The following VIT variants were observed in gnomAD, a reference collection of about 807,000 sequenced individuals.
VIT encodes the protein vitrin.
A neutral mutation model predicts 78.0 loss-of-function variants in VIT; 99 were observed. The observed-to-expected ratio is 1.27, with a 90% confidence interval of 1.08 to 1.50. The LOEUF (loss-of-function observed/expected upper bound fraction) is 1.50, where lower values mean the gene tolerates loss of function less well. VIT is among the 40% of genes most tolerant of loss of function. VIT has a pLI of 0.00. For missense variants in VIT, 1,126 were observed against 875.3 expected, an observed-to-expected ratio of 1.29 and a Z score of -3.61; for synonymous variants, 374 against 334.3, an observed-to-expected ratio of 1.12 and a Z score of -1.29.
intron 3 of VIT, among the ~76,000 whole-genome samples, chr2:36,739,935 G>T (rs537248052): frequency 3.5e-4 from 54 of 152,306 alleles, no homozygotes; most frequent in Admixed American, 8.5e-4. Context: ...TTCTTCAAAG[G>T]TTCCAGAATA....
rs145620986 is a variant in VIT at position 36,761,106 on chromosome 2, G to A, written c.487+2060G>A. On this transcript the variant is annotated intron_variant, in intron 6 of 15. Coordinates refer to ENST00000379242, the MANE Select transcript of VIT (RefSeq NM_053276.4). Reference sequence around the variant, plus strand: ...CCAGAATACACCCCCAAAACTCTGCGAGCTCTGTTGCTGTATTGCACACGT... The same window carrying A: ...CCAGAATACACCCCCAAAACTCTGCAAGCTCTGTTGCTGTATTGCACACGT... Among the ~76,000 whole-genome samples the A allele has an allele frequency of 1.5e-3, 231 of 152,270 alleles. 1 individual carries two copies. The highest frequency in any genetic ancestry group is 0.01 in the Middle Eastern group (3 of 294).
intron 12 of VIT, 99 bp downstream of exon 12, chr2:36,787,375 G>A: frequency 6.9e-7 from 1 of 1,439,194 alleles, no homozygotes; most frequent in Non-Finnish European, 9.3e-7. Context: ...TTACCAACAT[G>A]TCCTTGAGCA....
At chr2:36,722,323 A>T (rs567561974) in intron 2 of VIT, among the ~76,000 whole-genome samples, 25 of 152,186 alleles carry the variant, frequency 1.6e-4, no homozygotes, top group African/African-American at 6.0e-4. Flanking sequence ...CTTCCCCCAA[A>T]CGACTGCAGC....
chr2:36,768,078 T>G (rs1227497240), intron 7 of VIT, among the ~76,000 whole-genome samples: 1 of 152,104 alleles, frequency 6.6e-6, no homozygotes, highest in African/African-American at 2.4e-5. Flanking sequence ...GCATGACCCT[T>G]CCCCCTCTCC....
intron 10 of VIT, 99 bp from the exon 11 acceptor site, chr2:36,783,241 C>A: frequency 8.6e-7 from 1 of 1,167,840 alleles, no homozygotes; most frequent in East Asian, 2.5e-5. Context: ...AGCCAAGCCC[C>A]CAAGCTGGGT....
At chr2:36,774,926 C>T (rs1317575204) in intron 8 of VIT, 76 bp from the exon 9 acceptor site, 2 of 1,590,652 alleles carry the variant, frequency 1.3e-6, no homozygotes, top group Non-Finnish European at 1.7e-6. Context: ...AGGTAATTTT[C>T]ACCGGGGGCA....
intron 12 of VIT, among the ~76,000 whole-genome samples, chr2:36,798,489 G>A (rs6544042): frequency 0.68 from 102,459 of 151,390 alleles, 35,319 homozygotes; most frequent in Admixed American, 0.81. Flanking sequence ...ACGTACAGTG[G>A]CTCATGCCTG....
intron 6 of VIT, among the ~76,000 whole-genome samples, chr2:36,760,217 T>TGGTCTCGAC (rs1669027879): frequency 6.6e-6 from 1 of 152,022 alleles, no homozygotes; most frequent in Non-Finnish European, 1.5e-5. Flanking sequence ...ATGGTCTCGA[T>TGGTCTCGAC]CTCTTGACCT....
At chr2:36,747,569 T>C (rs1668212899) in intron 4 of VIT, among the ~76,000 whole-genome samples, 1 of 152,170 alleles carries the variant, frequency 6.6e-6, no homozygotes, top group Non-Finnish European at 1.5e-5. Flanking sequence ...TTTACTGTTG[T>C]TGGTTTAAAA....
intron 7 of VIT, among the ~76,000 whole-genome samples, chr2:36,770,310 AG>A (rs1669670913): frequency 6.6e-6 from 1 of 152,178 alleles, no homozygotes; most frequent in African/African-American, 2.4e-5. Flanking sequence ...GGGGTCTGTG[AG>A]TCATTTGTAC....
At chr2:36,709,051 G>A (rs1467380807) in intron 1 of VIT, among the ~76,000 whole-genome samples, 1 of 152,180 alleles carries the variant, frequency 6.6e-6, no homozygotes, top group Admixed American at 6.5e-5. Context: ...TTGGGAGGTT[G>A]AGGCAGGAGA....
At chr2:36,730,299 A>AC (rs1282411505) in intron 3 of VIT, among the ~76,000 whole-genome samples, 7 of 151,412 alleles carry the variant, frequency 4.6e-5, no homozygotes, top group Admixed American at 6.6e-5. Flanking sequence ...AAAAAAAAAA[A>AC]CAGGGGGAAA....
At chr2:36,736,881 A>C (rs1667540487) in intron 3 of VIT, among the ~76,000 whole-genome samples, 1 of 152,174 alleles carries the variant, frequency 6.6e-6, no homozygotes, top group African/African-American at 2.4e-5. Context: ...ACCTTTCATA[A>C]AGTTGAAAAA....
At chr2:36,719,165 T>A (rs752919431) in intron 2 of VIT, among the ~76,000 whole-genome samples, 3 of 152,044 alleles carry the variant, frequency 2.0e-5, no homozygotes, top group Non-Finnish European at 4.4e-5. Flanking sequence ...GAAATCAAAG[T>A]AGAAAAAGGA....
chr2:36,787,161 G>C lies in VIT; in HGVS notation c.943G>C (p.Gly315Arg). ...AATTGACTTGTCGTTTTTAATTGAT[G>C]GGAGCACCAGCATTGGCAAACGGCG... is the stretch of plus-strand genomic sequence containing the variant. ...CKIDLSFLID[G>R]STSIGKRRFR... The change falls in exon 12 of 16, where the codon GGG becomes CGG. Residue 315 changes from glycine (G) to arginine (R), a missense_variant. Transcript: ENST00000379242. The C allele has an allele frequency of 3.1e-6, 5 of 1,613,492 alleles. No individual in the cohort carries two copies. The highest frequency in any genetic ancestry group is 4.2e-6 in the Non-Finnish European group (5 of 1,179,712).
At position 36,727,694 on chromosome 2, in the gene VIT, C is replaced by A. The variant is rs911183725; in HGVS notation, c.53-1732C>A. On this transcript the variant is annotated intron_variant, in intron 2 of 15. Transcript: ENST00000379242. ...ACAGTCATCCACTTCATAACAATGT[C>A]TCAGTCAACAGCCGCCTGTAAGATT... Among the ~76,000 whole-genome samples, 3 of 152,342 alleles carry A rather than the reference C, an allele frequency of 2.0e-5. No individual in the cohort carries two copies. In the East Asian group the frequency reaches 5.8e-4, roughly 29 times the overall value.
chr2:36,698,382 G>A (rs1664801692), intron 1 of VIT, among the ~76,000 whole-genome samples: 2 of 152,146 alleles, frequency 1.3e-5, no homozygotes, highest in Non-Finnish European at 2.9e-5. Flanking sequence ...TTTGAGAATG[G>A]TTCTCAGCTA....
intron 2 of VIT, among the ~76,000 whole-genome samples, chr2:36,718,272 G>A (rs1281473262): frequency 6.6e-6 from 1 of 152,154 alleles, no homozygotes; most frequent in Non-Finnish European, 1.5e-5. Context: ...TTCAGAGGGT[G>A]TGTACCTGGC....
intron 5 of VIT, among the ~76,000 whole-genome samples, chr2:36,755,865 T>G (rs1348125108): frequency 6.6e-6 from 1 of 152,146 alleles, no homozygotes; most frequent in Non-Finnish European, 1.5e-5. Flanking sequence ...TCTTTATTTT[T>G]CTTTTTGGTG....
Sources: gnomAD v4.1 joint callset for allele counts (sites outside exome capture counted in the v4.1 genomes callset) on GRCh38, gnomAD v4.1.1 for gene constraint, MANE v1.5 for transcripts, NCBI Gene and HGNC (gene_info 2026-07-23, HGNC 2026-07-21) for gene names.